ZNF597: variants seen among roughly 807,000 people sequenced by gnomAD.
ZNF597 encodes zinc finger protein 597.
A neutral mutation model predicts 7.3 loss-of-function variants in ZNF597; 5 were observed. The observed-to-expected ratio is 0.68, with a 90% confidence interval of 0.36 to 1.44. The LOEUF (loss-of-function observed/expected upper bound fraction) is 1.44. Among genes scored for constraint, ZNF597 ranks in the 40% most tolerant of loss-of-function variants. The probability of loss-of-function intolerance (pLI) is 0.04; values close to 1 mark genes in which losing one functional copy is unlikely to be tolerated. For missense variants in ZNF597, 585 were observed against 517.9 expected (o/e 1.13, Z -1.26); for synonymous variants, 209 against 185.4 (o/e 1.13, Z -1.04).
Position 3,443,177 on chromosome 16 carries a change from T to A in ZNF597, c.-24A>T, listed in dbSNP as rs374848447. On this transcript the variant is annotated 5_prime_UTR_variant, in exon 2 of 4. An upstream open reading frame in the 5' UTR loses its in-frame stop. Transcript: ENST00000301744. ...ATTTGGCGGGTGGGGAATGCCTTCT[T>A]CAAGACGCCACAGGGACTTCGTGAC... 9.9e-6 allele frequency: 16 copies of A among 1,609,760 alleles called. No homozygotes were observed. The highest frequency in any genetic ancestry group is 1.3e-5 in the African/African-American group (1 of 74,756).
At chr16:3,438,524 C>T (rs2034329378) in intron 3 of ZNF597, among the ~76,000 whole-genome samples, 1 of 151,222 alleles carries the variant, frequency 6.6e-6, no homozygotes, top group South Asian at 2.1e-4. Flanking sequence ...GATCGCGCCA[C>T]TGCACTCCAG....
chr16:3,434,960 C>T lies in ZNF597; in HGVS notation c.*1464G>A, dbSNP rs773063132. The T allele has an allele frequency of 6.6e-6, 1 of 152,156 alleles. No individual in the cohort carries two copies. The highest frequency in any genetic ancestry group is 2.1e-4 in the South Asian group (1 of 4,832). 9.4% of individuals were successfully genotyped at this position (152,156 alleles called of 1,614,324 possible). ...ATTGTATATGAATCTATATTTACAA[C>T]ATTCTGTGGTTCTTTAACATTAATA... On this transcript the variant is annotated 3_prime_UTR_variant, in exon 4 of 4. Coordinates refer to ENST00000301744, the MANE Select transcript of ZNF597 (RefSeq NM_152457.3).
intron 2 of ZNF597, 118 bp from the exon 3 acceptor site, chr16:3,441,051 A>G: frequency 6.9e-7 from 1 of 1,443,268 alleles, no homozygotes; most frequent in Non-Finnish European, 9.2e-7. Context: ...CTCGGTGTAA[A>G]AGGTTCTTGA....
Position 3,436,725 on chromosome 16 carries a change from C to T in ZNF597, c.974G>A (p.Cys325Tyr). The T allele has an allele frequency of 6.2e-7, 1 of 1,614,112 alleles. No homozygotes were observed. Among genetic ancestry groups the T allele is most frequent in the Non-Finnish European group, 8.5e-7 (1 of 1,180,026 alleles). Residue 325 changes from cysteine to tyrosine, a missense_variant, in exon 4 of 4, where the codon TGC becomes TAC. By Grantham distance (194) the Cys-to-Tyr change is radical. Transcript: ENST00000301744. ...GAAGAAATTGTCCCCATCATCGCTG[C>T]AGCGTTCAGAGTCCTCGTCGTGGCT... ...EKSHDEDSER[C>Y]SDDGDNFFSF...
At chr16:3,439,032 AAG>A (rs1435848070) in intron 3 of ZNF597, among the ~76,000 whole-genome samples, 1 of 152,184 alleles carries the variant, frequency 6.6e-6, no homozygotes, top group Non-Finnish European at 1.5e-5. Context: ...CAAAACAGCA[AAG>A]AGGCAGCTGT....
Position 3,436,377 on chromosome 16 carries a change from C to A in ZNF597, c.*47G>T. ...TATACAGTAACTGCTTCCCACCATA[C>A]AGATACTGAAAAGCCCAATCACTAA... On this transcript the variant is annotated 3_prime_UTR_variant, in exon 4 of 4. Coordinates refer to ENST00000301744, the MANE Select transcript of ZNF597 (RefSeq NM_152457.3). The A allele has an allele frequency of 6.4e-7, 1 of 1,565,428 alleles. No homozygotes were observed. The highest frequency in any genetic ancestry group is 1.4e-5 in the African/African-American group (1 of 74,006).
At chr16:3,440,444 C>G (rs900266977) in intron 3 of ZNF597, among the ~76,000 whole-genome samples, 1 of 152,170 alleles carries the variant, frequency 6.6e-6, no homozygotes, top group Non-Finnish European at 1.5e-5. Flanking sequence ...ACCATCCTGG[C>G]TAACACGGTG....
At position 3,437,404 on chromosome 16, in the gene ZNF597, C is replaced by G; in HGVS notation, c.295G>C (p.Gly99Arg). The change falls in exon 4 of 4, where the codon GGA becomes CGA. Residue 99 changes from glycine to arginine, a missense_variant. Transcript: ENST00000301744. ...CTTAATATTTTCGCTTCAGGGTTTC[C>G]AACTCCATCCTCAGAGGATTTTTCT... ...YPEKSSEDGVGNPEAKILSGT... is the reference protein window; with the variant it reads ...YPEKSSEDGVRNPEAKILSGT... The G allele has an allele frequency of 6.2e-7, 1 of 1,614,030 alleles. No homozygotes were observed. Among genetic ancestry groups the G allele is most frequent in the Non-Finnish European group, 8.5e-7 (1 of 1,180,004 alleles).
In ZNF597 at chr16:3,432,937, CTA is replaced by C. The variant is rs1417899455; in HGVS notation, c.*3485_*3486del. On this transcript the variant is annotated 3_prime_UTR_variant, in exon 4 of 4. Coordinates refer to ENST00000301744, the MANE Select transcript of ZNF597 (RefSeq NM_152457.3). ...GACTATTCATATAAACTATAACCTG[CTA>C]TGTCTCCCTTTGTACACATAGGCAG... 1.3e-5 allele frequency: 2 copies of C among 152,194 alleles called. No homozygotes were observed. The highest frequency in any genetic ancestry group is 2.4e-5 in the African/African-American group (1 of 41,440). The allele number at this position is 152,194 out of a possible 1,614,324, so 9.4% of individuals were successfully genotyped here.
Position 3,436,798 on chromosome 16 carries a change from A to G in ZNF597, c.901T>C (p.Cys301Arg). ...AAGGACTGCCTGAAGCTCTTCATGC[A>G]CTTAGTGTGCTGGTACTGGGGGCCT... ...VSGPQYQHTK[C>R]MKSFRQSLYP... is the part of the protein sequence containing the mutation. Residue 301 changes from cysteine to arginine, a missense_variant, in exon 4 of 4, where the codon TGC becomes CGC. Coordinates refer to ENST00000301744, the MANE Select transcript of ZNF597 (RefSeq NM_152457.3). The G allele has an allele frequency of 6.2e-7, 1 of 1,613,640 alleles. No individual in the cohort carries two copies. The highest frequency in any genetic ancestry group is 1.1e-5 in the South Asian group (1 of 91,082).
chr16:3,437,811 C>T (rs1484084257), intron 3 of ZNF597, among the ~76,000 whole-genome samples: 1 of 152,198 alleles, frequency 6.6e-6, no homozygotes, highest in Non-Finnish European at 1.5e-5. Flanking sequence ...TCAGTAGCAG[C>T]TATCTAGAGG....
chr16:3,436,047 T>G lies in ZNF597; in HGVS notation c.*377A>C, dbSNP rs1229078462. On this transcript the variant is annotated 3_prime_UTR_variant, in exon 4 of 4. Coordinates refer to ENST00000301744, the MANE Select transcript of ZNF597 (RefSeq NM_152457.3). ...ACTTTCCTAGATATGTCTGCAGAAC[T>G]GGCAAAATATAAATAAATTCTCCTC... is the stretch of plus-strand genomic sequence containing the variant. The G allele has an allele frequency of 5.2e-6, 1 of 191,022 alleles. No individual in the cohort carries two copies. Among genetic ancestry groups the G allele is most frequent in the Non-Finnish European group, 1.1e-5 (1 of 93,042 alleles). 11.8% of individuals were successfully genotyped at this position (191,022 alleles called of 1,614,324 possible).
At position 3,436,462 on chromosome 16, in the gene ZNF597, T is replaced by A. The variant is rs1167197558; in HGVS notation, c.1237A>T (p.Ile413Phe). 1.2e-6 allele frequency: 2 copies of A among 1,612,978 alleles called. No homozygotes were observed. Among genetic ancestry groups the A allele is most frequent in the Non-Finnish European group, 1.7e-6 (2 of 1,178,928 alleles). ...GKTFKSNLHL[I>F]THKRTHIKNT... Reference sequence around the variant, plus strand: ...TTTATGTGAGTTCGCTTATGAGTAATGAGATGCAAATTCGACTTGAAAGTT... The same window carrying A: ...TTTATGTGAGTTCGCTTATGAGTAAAGAGATGCAAATTCGACTTGAAAGTT... The change falls in exon 4 of 4, where the codon ATT (isoleucine) becomes TTT (phenylalanine). Residue 413 changes from isoleucine to phenylalanine, a missense_variant. Ile to Phe is a conservative substitution (Grantham distance 21). Transcript: ENST00000301744.
At position 3,440,951 on chromosome 16, in the gene ZNF597, G is replaced by T. The variant is rs1235712190; in HGVS notation, c.34-18C>A. On this transcript the variant is annotated intron_variant, in intron 2 of 3. Coordinates refer to ENST00000301744, the MANE Select transcript of ZNF597 (RefSeq NM_152457.3). ...ATTGGTCCCTGAAACACAAGAGCCT[G>T]TGTCAGCACAAGAGGGTGGAGGGTC... 1.2e-6 allele frequency: 2 copies of T among 1,611,122 alleles called. No individual in the cohort carries two copies. Among genetic ancestry groups the T allele is most frequent in the Non-Finnish European group, 1.7e-6 (2 of 1,178,748 alleles).
At chr16:3,442,026 G>C (rs1376178033) in intron 2 of ZNF597, among the ~76,000 whole-genome samples, 1 of 150,978 alleles carries the variant, frequency 6.6e-6, no homozygotes, top group African/African-American at 2.4e-5. Flanking sequence ...GGCAGCCCAG[G>C]AAGAATCATA....
intron 2 of ZNF597, among the ~76,000 whole-genome samples, chr16:3,441,200 A>G (rs1265569614): frequency 3.9e-5 from 6 of 152,180 alleles, no homozygotes; most frequent in African/African-American, 1.4e-4. Flanking sequence ...AAGAGAAAAG[A>G]TGAGGGAATG....
At chr16:3,440,773 A>G (rs953053062) in intron 3 of ZNF597, 34 bp downstream of exon 3, 4 of 1,611,388 alleles carry the variant, frequency 2.5e-6, no homozygotes, top group African/African-American at 2.7e-5. Context: ...AGAATTGACA[A>G]AAGTTCCAGA....
At position 3,434,086 on chromosome 16, in the gene ZNF597, T is replaced by C. The variant is rs951621475; in HGVS notation, c.*2338A>G. 6.6e-6 allele frequency: 1 copy of C among 152,232 alleles called. No individual in the cohort carries two copies. The highest frequency in any genetic ancestry group is 1.5e-5 in the Non-Finnish European group (1 of 68,036). The allele number at this position is 152,232 out of a possible 1,614,324, so 9.4% of individuals were successfully genotyped here. A position where few individuals can be genotyped will look rare whatever the true frequency, so the allele number is the denominator to read the frequency against. ...TGGCACAAATTCTCACTTTCTGCTA[T>C]ATTTTCTAGGAGCCAAAACAAAAAT... On this transcript the variant is annotated 3_prime_UTR_variant, in exon 4 of 4. Coordinates refer to ENST00000301744, the MANE Select transcript of ZNF597 (RefSeq NM_152457.3).
intron 2 of ZNF597, among the ~76,000 whole-genome samples, chr16:3,442,387 A>C (rs555810279): frequency 6.6e-6 from 1 of 152,086 alleles, no homozygotes; most frequent in Non-Finnish European, 1.5e-5. Flanking sequence ...TCCATAAAGA[A>C]GTTTTAGGCC....
Sources: gnomAD v4.1 joint callset for allele counts (sites outside exome capture counted in the v4.1 genomes callset) on GRCh38, gnomAD v4.1.1 for gene constraint, MANE v1.5 for transcripts, NCBI Gene and HGNC (gene_info 2026-07-23, HGNC 2026-07-21) for gene names.